The following EPB41L4A variants were observed in gnomAD, a reference collection of about 807,000 sequenced individuals.
EPB41L4A encodes the protein erythrocyte membrane protein band 4.1 like 4A.
Under a neutral mutation model 108.6 loss-of-function variants are expected in EPB41L4A, and 100 were observed. That is an observed-to-expected ratio of 0.92 (90% CI 0.78 to 1.09). The LOEUF (loss-of-function observed/expected upper bound fraction) is 1.09, where lower values mean the gene tolerates loss of function less well. EPB41L4A is among the 50% of genes least tolerant of loss of function. The probability of loss-of-function intolerance (pLI) is 0.00; values close to 1 mark genes in which losing one functional copy is unlikely to be tolerated. For missense variants in EPB41L4A, 1,030 were observed against 842.7 expected, an observed-to-expected ratio of 1.22 and a Z score of -2.75; for synonymous variants, 319 against 289.0, an observed-to-expected ratio of 1.10 and a Z score of -1.05.
At chr5:112,345,461 A>G (rs1486264584) in intron 1 of EPB41L4A, among the ~76,000 whole-genome samples, 1 of 152,080 alleles carries the variant, frequency 6.6e-6, no homozygotes, top group Non-Finnish European at 1.5e-5. Flanking sequence ...ATTCTGTAAG[A>G]TCTCTTTAAA....
chr5:112,172,395 C>A (rs930727837), intron 18 of EPB41L4A, among the ~76,000 whole-genome samples: 1 of 151,822 alleles, frequency 6.6e-6, no homozygotes, highest in Non-Finnish European at 1.5e-5. Flanking sequence ...GCCTGTAATT[C>A]CAACTGCTTA....
At chr5:112,309,467 G>A (rs1292905364) in intron 1 of EPB41L4A, among the ~76,000 whole-genome samples, 1 of 152,148 alleles carries the variant, frequency 6.6e-6, no homozygotes, top group Non-Finnish European at 1.5e-5. Context: ...GTAGGTGGAG[G>A]TGTAGATACT....
At chr5:112,349,417 T>C (rs959428617) in intron 1 of EPB41L4A, among the ~76,000 whole-genome samples, 6 of 152,134 alleles carry the variant, frequency 3.9e-5, no homozygotes, top group Admixed American at 3.9e-4. Flanking sequence ...AAAGAGTTTG[T>C]GCAGCATTGC....
chr5:112,341,163 C>T (rs372444451), intron 1 of EPB41L4A, among the ~76,000 whole-genome samples: 4 of 152,204 alleles, frequency 2.6e-5, no homozygotes, highest in Non-Finnish European at 4.4e-5. Flanking sequence ...ATGAAAGCTT[C>T]ATGGGAACAG....
At chr5:112,298,831 A>C (rs1754178197) in intron 2 of EPB41L4A, among the ~76,000 whole-genome samples, 1 of 152,042 alleles carries the variant, frequency 6.6e-6, no homozygotes, top group Non-Finnish European at 1.5e-5. Flanking sequence ...ACTGCTTGTT[A>C]ATGGTCTGTT....
At chr5:112,350,971 C>T (rs1003637257) in intron 1 of EPB41L4A, among the ~76,000 whole-genome samples, 4 of 152,248 alleles carry the variant, frequency 2.6e-5, no homozygotes, top group Non-Finnish European at 4.4e-5. Context: ...ATACTGATCG[C>T]CTTTCTTTTG....
chr5:112,186,785 T>C (rs1761451223), intron 17 of EPB41L4A, among the ~76,000 whole-genome samples: 5 of 152,190 alleles, frequency 3.3e-5, no homozygotes. Context: ...GAAAGTGTCA[T>C]TTCTTCCACT....
In EPB41L4A at chr5:112,205,515, A is replaced by T. The variant is rs182050710; in HGVS notation, c.1179-11T>A. 5.1e-3 allele frequency: 7,915 copies of T among 1,543,322 alleles called. 34 individuals are homozygous for T. Among genetic ancestry groups the T allele is most frequent in the Non-Finnish European group, 6.1e-3 (6,842 of 1,129,670 alleles). On this transcript the variant is annotated splice_polypyrimidine_tract_variant and intron_variant, in intron 13 of 22. Transcript: ENST00000261486. ...TTTGCTTTCTTAAAGCTTTAATTTT[A>T]AAAAAAAGTATGAGAAATAAATTAA...
Position 112,259,285 on chromosome 5 carries a change from T to A in EPB41L4A, c.739A>T (p.Ile247Phe). Reference protein sequence around the residue: ...KQVGKYFWPRITKVHFKETQF... With the variant: ...KQVGKYFWPRFTKVHFKETQF... ...GTCTCCTTGAAGTGAACCTTTGTAA[T>A]CCGAGGCCTAAAAAACAAAGCAGAT... is the stretch of plus-strand genomic sequence containing the variant. The change falls in exon 9 of 23, where the codon ATT becomes TTT. Residue 247 changes from isoleucine (I) to phenylalanine (F), a missense_variant. Transcript: ENST00000261486. 6.2e-7 allele frequency: 1 copy of A among 1,613,868 alleles called. No individual in the cohort carries two copies. Among genetic ancestry groups the A allele is most frequent in the Non-Finnish European group, 8.5e-7 (1 of 1,179,762 alleles).
chr5:112,358,667 A>G (rs1425452562), intron 1 of EPB41L4A, among the ~76,000 whole-genome samples: 2 of 152,228 alleles, frequency 1.3e-5, no homozygotes, highest in Non-Finnish European at 2.9e-5. Context: ...AAAGCTAAAC[A>G]TACACCTACC....
chr5:112,419,692 A>G, upstream of EPB41L4A: 2 of 456,464 alleles, frequency 4.4e-6, no homozygotes, highest in Non-Finnish European at 8.8e-6. Context: ...TCCGTCCGCT[A>G]CCCCGTCCCC....
At chr5:112,204,611 G>C in intron 14 of EPB41L4A, 123 bp from the exon 15 acceptor site, 2 of 552,624 alleles carry the variant, frequency 3.6e-6, no homozygotes, top group Non-Finnish European at 6.6e-6. Flanking sequence ...CCAGGGGCAC[G>C]TGGTTCTCTT....
At chr5:112,180,698 G>T (rs1489494715) in intron 18 of EPB41L4A, among the ~76,000 whole-genome samples, 3 of 140,982 alleles carry the variant, frequency 2.1e-5, no homozygotes, top group African/African-American at 7.8e-5. Flanking sequence ...GAAAAAAACT[G>T]ATACACTGGT....
rs142465247 is a variant in EPB41L4A, at chr5:112,201,117, C to T, written c.1376+3258G>A. Among the ~76,000 whole-genome samples, 213 of 152,278 alleles carry T rather than the reference C, an allele frequency of 1.4e-3. 1 individual carries two copies. The highest frequency in any genetic ancestry group is 5.1e-3 in the African/African-American group (210 of 41,552). Reference sequence around the variant, plus strand: ...AAAAAGACTGACAAGGACAACGACACTTATAGGGCATTCATACTGGGAAGA... The same window carrying T: ...AAAAAGACTGACAAGGACAACGACATTTATAGGGCATTCATACTGGGAAGA... On this transcript the variant is annotated intron_variant, in intron 15 of 22. Transcript: ENST00000261486.
intron 12 of EPB41L4A, among the ~76,000 whole-genome samples, chr5:112,153,120 G>A (rs991308414): frequency 3.9e-5 from 6 of 152,136 alleles, no homozygotes; most frequent in Admixed American, 3.3e-4. Flanking sequence ...TGAGGAGGCT[G>A]AGATGGGAGG....
At chr5:112,147,347 T>C (rs1759296847) in intron 12 of EPB41L4A, among the ~76,000 whole-genome samples, 1 of 152,170 alleles carries the variant, frequency 6.6e-6, no homozygotes, top group South Asian at 2.1e-4. Flanking sequence ...GCATAAAGAT[T>C]AGCAAATCTG....
At chr5:112,214,684 T>G (rs1444622731) in intron 12 of EPB41L4A, among the ~76,000 whole-genome samples, 2 of 151,932 alleles carry the variant, frequency 1.3e-5, no homozygotes, top group African/African-American at 4.8e-5. Context: ...AAGAATGACG[T>G]GAACTCAGGA....
At chr5:112,362,480 C>T (rs973774460) in intron 1 of EPB41L4A, among the ~76,000 whole-genome samples, 6 of 151,986 alleles carry the variant, frequency 3.9e-5, no homozygotes, top group African/African-American at 1.2e-4. Flanking sequence ...GGGATTTCAC[C>T]ATGTTGCCCA....
chr5:112,239,218 C>T (rs1416816212), intron 11 of EPB41L4A, among the ~76,000 whole-genome samples: 3 of 152,184 alleles, frequency 2.0e-5, no homozygotes, highest in African/African-American at 7.2e-5. Flanking sequence ...TAATTGCTAG[C>T]ATTACTACAT....
Sources: gnomAD v4.1 joint callset for allele counts (sites outside exome capture counted in the v4.1 genomes callset) on GRCh38, gnomAD v4.1.1 for gene constraint, MANE v1.5 for transcripts, NCBI Gene and HGNC (gene_info 2026-07-23, HGNC 2026-07-21) for gene names.